The following HYLS1 variants were observed in gnomAD, a reference collection of about 807,000 sequenced individuals.
HYLS1 encodes centriolar and ciliogenesis-associated protein HYLS1.
HYLS1 carries 25 observed loss-of-function variants against 29.4 expected under a neutral mutation model. The observed-to-expected ratio is 0.85, with a 90% CI of 0.62 to 1.19. HYLS1 has a LOEUF of 1.19. HYLS1 is among the 50% of genes most tolerant of loss of function. HYLS1 has a pLI of 0.00. For missense variants in HYLS1, 352 were observed against 365.1 expected, an observed-to-expected ratio of 0.96 and a Z score of 0.29; for synonymous variants, 128 against 126.7, an observed-to-expected ratio of 1.01 and a Z score of -0.07.
chr11:125,895,912 C>T (rs971839539), intron 2 of HYLS1: 2 of 1,612,160 alleles, frequency 1.2e-6, no homozygotes, highest in African/African-American at 1.3e-5. Context: ...CTTACCTGTC[C>T]AAAGGCACTA....
intron 2 of HYLS1, chr11:125,895,996 G>C: frequency 1.2e-6 from 2 of 1,614,152 alleles, no homozygotes; most frequent in Non-Finnish European, 1.7e-6. Context: ...GTCTTGGTTA[G>C]AGCTTCAAAC....
upstream of HYLS1, among the ~76,000 whole-genome samples, chr11:125,886,149 G>C (rs1160400257): frequency 1.3e-5 from 2 of 152,164 alleles, no homozygotes; most frequent in Non-Finnish European, 1.5e-5. Context: ...TGCCAAAAAG[G>C]TTGGGACCGC....
chr11:125,886,526 C>T (rs1591490753), upstream of HYLS1, among the ~76,000 whole-genome samples: 1 of 149,802 alleles, frequency 6.7e-6, no homozygotes, highest in East Asian at 2.0e-4. Context: ...GAGGGCCTCT[C>T]CTCTTGCTTT....
upstream of HYLS1, chr11:125,887,264 G>A (rs1944320757): frequency 6.6e-6 from 1 of 152,452 alleles, no homozygotes; most frequent in Non-Finnish European, 1.5e-5. Flanking sequence ...CAGTTGAGAA[G>A]GGCGGAGGCT....
chr11:125,900,191 C>T lies in HYLS1; in HGVS notation c.823C>T (p.Leu275Phe). 1 of 1,614,224 alleles carries T rather than the reference C, an allele frequency of 6.2e-7. No homozygotes were observed. ...LVPTEKKRSA[L>F]RWGVRCDLAN... Reference sequence around the variant, plus strand: ...ACCAACAGAGAAGAAAAGGTCTGCACTCCGTTGGGGTGTTCGTTGTGACCT... The same window carrying T: ...ACCAACAGAGAAGAAAAGGTCTGCATTCCGTTGGGGTGTTCGTTGTGACCT... The change falls in exon 3 of 3, where the codon CTC (leucine) becomes TTC (phenylalanine). Residue 275 changes from leucine (L) to phenylalanine (F), a missense_variant. Coordinates refer to ENST00000425380, the MANE Select transcript of HYLS1 (RefSeq NM_001134793.2).
At chr11:125,896,630 T>C (rs746870594) in intron 2 of HYLS1, among the ~76,000 whole-genome samples, 9 of 152,252 alleles carry the variant, frequency 5.9e-5, no homozygotes, top group Non-Finnish European at 1.3e-4. Context: ...ACTGAATTGA[T>C]TGAGGACTGA....
At position 125,900,438 on chromosome 11, in the gene HYLS1, T is replaced by G; in HGVS notation, c.*170T>G. On this transcript the variant is annotated 3_prime_UTR_variant, in exon 3 of 3. Coordinates refer to ENST00000425380, the MANE Select transcript of HYLS1 (RefSeq NM_001134793.2). ...ATATCACATTGGTATCAGATGATAC[T>G]TCCAAATTGCCACTCAAATCCAGCA... 1.6e-6 allele frequency: 1 copy of G among 638,238 alleles called. No individual in the cohort carries two copies. Among genetic ancestry groups the G allele is most frequent in the Non-Finnish European group, 2.8e-6 (1 of 362,002 alleles). The allele number at this position is 638,238 out of a possible 1,614,324, so 39.5% of individuals were successfully genotyped here.
chr11:125,895,956 T>A, intron 2 of HYLS1: 1 of 1,614,116 alleles, frequency 6.2e-7, no homozygotes, highest in South Asian at 1.1e-5. Context: ...TCGGTGATAG[T>A]TGGATGTCTG....
chr11:125,900,511 C>G lies in HYLS1; in HGVS notation c.*243C>G. 1 of 500,322 alleles carries G rather than the reference C, an allele frequency of 2.0e-6. No homozygotes were observed. The highest frequency in any genetic ancestry group is 3.7e-6 in the Non-Finnish European group (1 of 269,440). 31.0% of individuals were successfully genotyped at this position (500,322 alleles called of 1,614,324 possible). ...AGAAAGAACAACAGACCTGGTCTTTCTATTTTGTCAAATTAGTAAGGGCCC... is the reference window on the plus strand; with the variant it reads ...AGAAAGAACAACAGACCTGGTCTTTGTATTTTGTCAAATTAGTAAGGGCCC... On this transcript the variant is annotated 3_prime_UTR_variant, in exon 3 of 3. Transcript: ENST00000425380.
At chr11:125,883,980 G>A (rs561448714), upstream of HYLS1, 1 of 152,206 alleles carries the variant, frequency 6.6e-6, no homozygotes, top group African/African-American at 2.4e-5. Context: ...ACCTAATTGG[G>A]GAAAGCATAA....
chr11:125,900,541 T>G lies in HYLS1; in HGVS notation c.*273T>G. 2.3e-6 allele frequency: 1 copy of G among 428,532 alleles called. No individual in the cohort carries two copies. 26.5% of individuals were successfully genotyped at this position (428,532 alleles called of 1,614,324 possible). A position where few individuals can be genotyped will look rare whatever the true frequency, so the allele number is the denominator to read the frequency against. On this transcript the variant is annotated 3_prime_UTR_variant, in exon 3 of 3. Transcript: ENST00000425380. ...TTGTCAAATTAGTAAGGGCCCTTTG[T>G]GTCCTGTAACTTTTTTTACCTATCA...
chr11:125,891,552 A>C (rs1944409633), intron 2 of HYLS1, 80 bp downstream of exon 2: 2 of 151,780 alleles, frequency 1.3e-5, no homozygotes, highest in Non-Finnish European at 2.9e-5. Context: ...CATTGATTAC[A>C]TGAAAAAGAG....
At position 125,893,702 on chromosome 11, in the gene HYLS1, T is replaced by A. The variant is rs1189362786; in HGVS notation, c.-26+2230T>A. 9.8e-6 allele frequency: 11 copies of A among 1,124,390 alleles called. No individual in the cohort carries two copies. The East Asian group carries it at 2.3e-4, about 23-fold the overall frequency. The allele number at this position is 1,124,390 out of a possible 1,614,324, so 69.7% of individuals were successfully genotyped here. ...AAGAGCTGATCATCTGAATTCCTAG[T>A]ACTTGCAAGTAAATTTTTTTTTTTT... is the stretch of plus-strand genomic sequence containing the variant. On this transcript the variant is annotated intron_variant, in intron 2 of 2. Transcript: ENST00000425380.
At chr11:125,894,364 C>A in intron 2 of HYLS1, 1 of 1,236,944 alleles carries the variant, frequency 8.1e-7, no homozygotes, top group South Asian at 1.5e-5. Flanking sequence ...GGGTTAGTTG[C>A]GTTAAGGGAG....
In HYLS1 at chr11:125,900,351, G is replaced by A. The variant is rs377044409; in HGVS notation, c.*83G>A. ...CCTTTTAAATAGAAACAACTGTCTT[G>A]AGAAGCTCTTCGAAACATTTTATGG... On this transcript the variant is annotated 3_prime_UTR_variant, in exon 3 of 3. Coordinates refer to ENST00000425380, the MANE Select transcript of HYLS1 (RefSeq NM_001134793.2). The A allele has an allele frequency of 2.9e-6, 4 of 1,369,988 alleles. No homozygotes were observed. In the African/African-American group the frequency reaches 4.3e-5, roughly 15 times the overall value. The allele number at this position is 1,369,988 out of a possible 1,614,324, so 84.9% of individuals were successfully genotyped here.
In HYLS1 at chr11:125,896,255, C is replaced by G. The variant is rs1297457829; in HGVS notation, c.-25-3089C>G. ...GTACTCTTTTTAGGAGCTTCTCAGT[C>G]TGGTTTCTGTCTGTGTCATTATAAG... is the stretch of plus-strand genomic sequence containing the variant. On this transcript the variant is annotated intron_variant, in intron 2 of 2. Transcript: ENST00000425380. The G allele has an allele frequency of 6.2e-7, 1 of 1,612,666 alleles. No individual in the cohort carries two copies. Among genetic ancestry groups the G allele is most frequent in the African/African-American group, 1.3e-5 (1 of 74,920 alleles).
chr11:125,886,317 G>A (rs1944303679), upstream of HYLS1, among the ~76,000 whole-genome samples: 1 of 152,144 alleles, frequency 6.6e-6, no homozygotes, highest in African/African-American at 2.4e-5. Flanking sequence ...AGGCAAAGAG[G>A]GAGAGTAAGA....
chr11:125,900,569 A>C lies in HYLS1; in HGVS notation c.*301A>C. 1 of 388,518 alleles carries C rather than the reference A, an allele frequency of 2.6e-6. No homozygotes were observed. The highest frequency in any genetic ancestry group is 5.0e-6 in the Non-Finnish European group (1 of 199,908). 24.1% of individuals were successfully genotyped at this position (388,518 alleles called of 1,614,324 possible). On this transcript the variant is annotated 3_prime_UTR_variant, in exon 3 of 3. Transcript: ENST00000425380. ...CCTGTAACTTTTTTTACCTATCAAT[A>C]TGAGTTGCTGTGCTTCAGTGTGTGT... is the stretch of plus-strand genomic sequence containing the variant.
At chr11:125,884,400 G>C (rs998236920), upstream of HYLS1, among the ~76,000 whole-genome samples, 6 of 152,080 alleles carry the variant, frequency 3.9e-5, no homozygotes, top group Non-Finnish European at 8.8e-5. Flanking sequence ...ACAAGGTCAG[G>C]AGATCGAGAC....
Sources: allele counts gnomAD v4.1 joint callset (sites outside exome capture counted in the v4.1 genomes callset), GRCh38; gene constraint gnomAD v4.1.1; transcripts MANE v1.5; gene names NCBI Gene and HGNC (gene_info 2026-07-23, HGNC 2026-07-21).